SLC30A9: variants seen among roughly 807,000 people sequenced by gnomAD.
SLC30A9 encodes the protein proton-coupled zinc antiporter SLC30A9, mitochondrial.
Under a neutral mutation model 87.5 loss-of-function variants are expected in SLC30A9, and 58 were observed. That is an observed-to-expected ratio of 0.66 (90% CI 0.54 to 0.82). The LOEUF (loss-of-function observed/expected upper bound fraction) is 0.82. Ranked by LOEUF, SLC30A9 falls within the 40% of genes least tolerant of loss-of-function variation. The pLI, the probability that SLC30A9 is intolerant of heterozygous loss-of-function variation, is 0.00. For missense variants in SLC30A9, 557 were observed against 679.1 expected, an observed-to-expected ratio of 0.82 and a Z score of 2.00; for synonymous variants, 234 against 233.0, an observed-to-expected ratio of 1.00 and a Z score of -0.04.
intron 16 of SLC30A9, 51 bp from the exon 17 acceptor site, chr4:42,078,161 A>G (rs966367384): frequency 1.2e-6 from 1 of 840,468 alleles, no homozygotes; most frequent in Non-Finnish European, 1.9e-6. Flanking sequence ...TCATAAGTGT[A>G]CCACTATGGT....
At chr4:42,048,968 TG>T (rs1189566449) in intron 8 of SLC30A9, among the ~76,000 whole-genome samples, 1 of 152,162 alleles carries the variant, frequency 6.6e-6, no homozygotes, top group Non-Finnish European at 1.5e-5. Flanking sequence ...TTGTTATTGT[TG>T]TTGTTGTTTT....
chr4:42,017,273 T>G lies in SLC30A9; in HGVS notation c.275-838T>G, dbSNP rs190346065. Among the ~76,000 whole-genome samples the G allele has an allele frequency of 3.4e-3, 515 of 152,186 alleles. 3 individuals carry two copies. The highest frequency in any genetic ancestry group is 0.01 in the Middle Eastern group (3 of 294). On this transcript the variant is annotated intron_variant, in intron 2 of 17. Coordinates refer to ENST00000264451, the MANE Select transcript of SLC30A9 (RefSeq NM_006345.4). ...TCCTATTTTTTCTAATGGATTGTCA[T>G]TTTTTTGATCTAGAGGACTTATTTA...
In SLC30A9 at chr4:42,001,787, GTAATTTTTTTAATGTAC is replaced by G. The variant is rs1714996964; in HGVS notation, c.274+9_274+25del. 1 of 1,591,948 alleles carries G rather than the reference GTAATTTTTTTAATGTAC, an allele frequency of 6.3e-7. No individual in the cohort carries two copies. The highest frequency in any genetic ancestry group is 8.6e-7 in the Non-Finnish European group (1 of 1,169,194). On this transcript the variant is annotated splice_region_variant and intron_variant, in intron 2 of 17. Transcript: ENST00000264451. ...GTACCATCATTTGAAACAGGTATGT[GTAATTTTTTTAATGTAC>G]TTTTTTCTGTATACTGGAATAGTTT...
chr4:42,013,054 G>C (rs1490190561), intron 2 of SLC30A9, among the ~76,000 whole-genome samples: 1 of 152,038 alleles, frequency 6.6e-6, no homozygotes, highest in Non-Finnish European at 1.5e-5. Context: ...GCTGAGGTGG[G>C]AGGATCACTT....
rs559742206 is a variant in SLC30A9, at chr4:42,068,825, T to C, written c.1252+1633T>C. Among the ~76,000 whole-genome samples the C allele has an allele frequency of 1.3e-4, 20 of 152,342 alleles. No individual in the cohort carries two copies. In the South Asian group the frequency reaches 3.9e-3, roughly 30 times the overall value. On this transcript the variant is annotated intron_variant, in intron 14 of 17. Transcript: ENST00000264451. ...AAATACAAGTAAATGAAAAGACAAT[T>C]CTATTTTATTTTTATTTTCGAAAAC...
At chr4:41,998,525 G>A (rs571936102) in intron 1 of SLC30A9, among the ~76,000 whole-genome samples, 2 of 151,486 alleles carry the variant, frequency 1.3e-5, no homozygotes, top group Admixed American at 6.6e-5. Context: ...ATGCAATGGC[G>A]CGATCTTGGT....
At chr4:42,033,827 G>A (rs1282716671) in intron 6 of SLC30A9, among the ~76,000 whole-genome samples, 2 of 152,062 alleles carry the variant, frequency 1.3e-5, no homozygotes, top group African/African-American at 4.8e-5. Context: ...CACCCGCCTT[G>A]GCCTCCCAAA....
chr4:42,018,587 C>T (rs1282629269), intron 3 of SLC30A9: 1 of 353,412 alleles, frequency 2.8e-6, no homozygotes, highest in Admixed American at 5.1e-5. Context: ...TTCTGTATAA[C>T]AAGCTGTGGT....
chr4:42,022,692 A>T, intron 4 of SLC30A9, 146 bp from the exon 5 acceptor site: 1 of 472,936 alleles, frequency 2.1e-6, no homozygotes, highest in Non-Finnish European at 3.8e-6. Context: ...TGTCATCTTT[A>T]AACTGATCTT....
chr4:41,993,954 C>T (rs937580464), intron 1 of SLC30A9, among the ~76,000 whole-genome samples: 1 of 151,978 alleles, frequency 6.6e-6, no homozygotes, highest in African/African-American at 2.4e-5. Flanking sequence ...GTCAGGAGTT[C>T]GAGACCAGCC....
At chr4:42,037,026 A>T (rs751897404) in intron 7 of SLC30A9, among the ~76,000 whole-genome samples, 5 of 151,808 alleles carry the variant, frequency 3.3e-5, no homozygotes, top group Non-Finnish European at 5.9e-5. Context: ...TCAGAAGATT[A>T]ATACTGGTCA....
chr4:42,084,791 C>G (rs1718866396), intron 17 of SLC30A9, among the ~76,000 whole-genome samples: 1 of 152,230 alleles, frequency 6.6e-6, no homozygotes, highest in African/African-American at 2.4e-5. Flanking sequence ...CCTTTGTGCA[C>G]TCACAGGAAA....
rs1387495182 is a variant in SLC30A9 at position 42,055,483 on chromosome 4, T to C, written c.841-4708T>C. 5.9e-5 allele frequency among the ~76,000 whole-genome samples: 9 copies of C among 152,286 alleles called. No individual in the cohort carries two copies. In the East Asian group the frequency reaches 1.7e-3, roughly 29 times the overall value. ...CTTACTGCAAGCTCCATCTCCCAGG[T>C]TCACGCCATTCTCCTGCCTCAGCTT... On this transcript the variant is annotated intron_variant, in intron 9 of 17. Coordinates refer to ENST00000264451, the MANE Select transcript of SLC30A9 (RefSeq NM_006345.4).
chr4:42,028,776 T>A (rs1478428970), intron 6 of SLC30A9, among the ~76,000 whole-genome samples: 1 of 152,248 alleles, frequency 6.6e-6, no homozygotes, highest in Non-Finnish European at 1.5e-5. Flanking sequence ...TTAGCAGTTT[T>A]ACTGCCATTT....
intron 17 of SLC30A9, among the ~76,000 whole-genome samples, chr4:42,082,676 C>T (rs1415354448): frequency 1.3e-5 from 2 of 152,050 alleles, no homozygotes; most frequent in Non-Finnish European, 2.9e-5. Context: ...GGTGAAACCC[C>T]ATCTCTACTA....
At chr4:42,018,943 T>G (rs1183495663) in intron 3 of SLC30A9, among the ~76,000 whole-genome samples, 2 of 151,996 alleles carry the variant, frequency 1.3e-5, no homozygotes, top group Non-Finnish European at 2.9e-5. Context: ...TTTAAAAATT[T>G]TTTAAAAATT....
Position 42,086,417 on chromosome 4 carries a change from C to G in SLC30A9, c.*291C>G. 1 of 265,032 alleles carries G rather than the reference C, an allele frequency of 3.8e-6. No individual in the cohort carries two copies. The highest frequency in any genetic ancestry group is 7.1e-6 in the Non-Finnish European group (1 of 141,394). The allele number at this position is 265,032 out of a possible 1,614,324, so 16.4% of individuals were successfully genotyped here. ...TTGTTCATAATGTCCCATATTTCAC[C>G]TGTTCAGTGTATACTGTACTTTGCA... is the stretch of plus-strand genomic sequence containing the variant. On this transcript the variant is annotated 3_prime_UTR_variant, in exon 18 of 18. Coordinates refer to ENST00000264451, the MANE Select transcript of SLC30A9 (RefSeq NM_006345.4).
rs191166706 is a variant in SLC30A9 at position 42,090,371 on chromosome 4, C to G, written c.*4245C>G. On this transcript the variant is annotated 3_prime_UTR_variant, in exon 18 of 18. Coordinates refer to ENST00000264451, the MANE Select transcript of SLC30A9 (RefSeq NM_006345.4). The stretch of plus-strand genomic sequence containing the variant: ...TTTTATTCGTTATATTGTATTTCAT[C>G]TGTCTGATTTCCCTGGCACATTAAG... The G allele has an allele frequency of 3.3e-5, 5 of 152,282 alleles. No individual in the cohort carries two copies. The highest frequency in any genetic ancestry group is 7.4e-5 in the Non-Finnish European group (5 of 67,982). The allele number at this position is 152,282 out of a possible 1,614,324, so 9.4% of individuals were successfully genotyped here.
chr4:42,029,776 C>G (rs537561379), intron 6 of SLC30A9: 7 of 732,178 alleles, frequency 9.6e-6, no homozygotes, highest in South Asian at 5.5e-5. Context: ...GGCTTCAAAC[C>G]TAAGTCTCCC....
Sources: allele counts gnomAD v4.1 joint callset (sites outside exome capture counted in the v4.1 genomes callset), GRCh38; gene constraint gnomAD v4.1.1; transcripts MANE v1.5; gene names NCBI Gene and HGNC (gene_info 2026-07-23, HGNC 2026-07-21).